The following JMJD1C variants were observed in gnomAD, a reference collection of about 807,000 sequenced individuals.
JMJD1C encodes jumonji domain-containing protein 1C.
A neutral mutation model predicts 245.3 loss-of-function variants in JMJD1C; 31 were observed. The ratio of observed to expected loss-of-function variants is 0.13; its 90% CI spans 0.09 to 0.17. The LOEUF (loss-of-function observed/expected upper bound fraction) is 0.17, where lower values mean the gene tolerates loss of function less well. Ranked by LOEUF, JMJD1C falls within the 10% of genes least tolerant of loss-of-function variation. The pLI is 1.00. For missense variants in JMJD1C, 2,691 were observed against 3,000.2 expected (o/e 0.90, Z 2.41); for synonymous variants, 1,057 against 1,017.4 (o/e 1.04, Z -0.74).
At chr10:63,379,537 T>G (rs1947043038) in intron 2 of JMJD1C, among the ~76,000 whole-genome samples, 1 of 152,194 alleles carries the variant, frequency 6.6e-6, no homozygotes, top group Non-Finnish European at 1.5e-5. Flanking sequence ...ATTTAATCCA[T>G]TACCTGAATA....
intron 4 of JMJD1C, among the ~76,000 whole-genome samples, chr10:63,217,543 A>G (rs1445169823): frequency 6.6e-6 from 1 of 152,160 alleles, no homozygotes; most frequent in Non-Finnish European, 1.5e-5. Flanking sequence ...CTGATTCAAT[A>G]GAAATAAAAT....
rs186102823 is a variant in JMJD1C, at chr10:63,518,351, T to C, written n.113+3387A>G. Among the ~76,000 whole-genome samples, 64 of 152,236 alleles carry C rather than the reference T, an allele frequency of 4.2e-4. 1 individual carries two copies. In the East Asian group the frequency reaches 0.011, roughly 26 times the overall value. The stretch of plus-strand genomic sequence containing the variant: ...TTACCACCCTGAAACAAAATAACAA[T>C]ATTCCTACAATTTCAAACAAATCCA... On this transcript the variant is annotated intron_variant and non_coding_transcript_variant, in intron 1 of 3. Transcript: ENST00000633035.
chr10:63,305,641 T>C (rs917243993), intron 2 of JMJD1C, among the ~76,000 whole-genome samples: 3 of 84,904 alleles, frequency 3.5e-5, no homozygotes, highest in Non-Finnish European at 6.8e-5. Flanking sequence ...TGTGTGTGTG[T>C]GTGTGTGTGT....
intron 1 of JMJD1C, among the ~76,000 whole-genome samples, chr10:63,389,814 A>G (rs1947912602): frequency 6.6e-6 from 1 of 152,316 alleles, no homozygotes; most frequent in African/African-American, 2.4e-5. Context: ...GAAAGAAACT[A>G]AGGATGAAAT....
intron 10 of JMJD1C, chr10:63,203,322 C>CA (rs1846234230): frequency 4.1e-6 from 4 of 983,548 alleles, no homozygotes; most frequent in Non-Finnish European, 3.6e-6. Flanking sequence ...ACTTAGTCAA[C>CA]AAAAAAATAC....
Position 63,207,567 on chromosome 10 carries a change from A to C in JMJD1C, c.4102T>G (p.Ser1368Ala). The change falls in exon 10 of 26, where the codon TCT becomes GCT. Residue 1368 changes from serine to alanine, a missense_variant. By Grantham distance (99) the Ser-to-Ala change is moderately conservative (BLOSUM62 1). Coordinates refer to ENST00000399262, the MANE Select transcript of JMJD1C (RefSeq NM_032776.3). ...GAGACAGCCTGAAAGTTTTTTTCAG[A>C]TTTTGTGTGAACACTGTCTGAATTC... ...NVNSDSVHTK[S>A]EKNFQAVSQG... 2 of 1,614,104 alleles carry C rather than the reference A, an allele frequency of 1.2e-6. No homozygotes were observed. Among genetic ancestry groups the C allele is most frequent in the Non-Finnish European group, 8.5e-7 (1 of 1,180,014 alleles).
chr10:63,208,294 G>C lies in JMJD1C; in HGVS notation c.3375C>G (p.Ala1125=), dbSNP rs753417322. 6.2e-7 allele frequency: 1 copy of C among 1,613,986 alleles called. No homozygotes were observed. Among genetic ancestry groups the C allele is most frequent in the African/African-American group, 1.3e-5 (1 of 74,994 alleles). The part of the protein sequence containing the change: ...SNIYGDKQSN[A]LAAAAANPQT... ...GAGGATTAGCTGCTGCCGCTGCAAG[G>C]GCATTACTCTGTTTATCACCGTAAA... Residue 1125 remains alanine (A), a synonymous_variant, in exon 10 of 26, where the codon GCC becomes GCG. Coordinates refer to ENST00000399262, the MANE Select transcript of JMJD1C (RefSeq NM_032776.3).
At chr10:63,441,645 A>G (rs1390625073) in intron 1 of JMJD1C, among the ~76,000 whole-genome samples, 1 of 152,038 alleles carries the variant, frequency 6.6e-6, no homozygotes, top group East Asian at 1.9e-4. Context: ...TTCCTTTTCC[A>G]AGCATCACCC....
chr10:63,357,006 A>G (rs967416776), intron 2 of JMJD1C, among the ~76,000 whole-genome samples: 2 of 151,824 alleles, frequency 1.3e-5, no homozygotes, highest in African/African-American at 4.8e-5. Flanking sequence ...TATGCCTTCA[A>G]AAATGAACTA....
chr10:63,464,375 T>C (rs1197690354), intron 1 of JMJD1C, among the ~76,000 whole-genome samples: 1 of 152,146 alleles, frequency 6.6e-6, no homozygotes, highest in African/African-American at 2.4e-5. Context: ...GTAAAAAATA[T>C]TAGGTAGATA....
chr10:63,262,289 ATTT>A (rs532874304), intron 3 of JMJD1C, among the ~76,000 whole-genome samples: 5 of 151,686 alleles, frequency 3.3e-5, no homozygotes, highest in African/African-American at 1.2e-4. Context: ...CGAACTCTAA[ATTT>A]TTTTTTCTTC....
intron 3 of JMJD1C, among the ~76,000 whole-genome samples, chr10:63,226,256 T>A (rs763193334): frequency 6.6e-6 from 1 of 152,172 alleles, no homozygotes; most frequent in African/African-American, 2.4e-5. Context: ...GGCAAACTCA[T>A]GCAATCTTAT....
intron 16 of JMJD1C, among the ~76,000 whole-genome samples, chr10:63,191,774 C>G (rs1844835632): frequency 6.6e-6 from 1 of 151,694 alleles, no homozygotes; most frequent in African/African-American, 2.4e-5. Flanking sequence ...CACTTGAGGT[C>G]AGGAGTTCAA....
intron 1 of JMJD1C, among the ~76,000 whole-genome samples, chr10:63,391,618 A>G (rs1226507360): frequency 6.6e-6 from 1 of 152,202 alleles, no homozygotes; most frequent in African/African-American, 2.4e-5. Flanking sequence ...AAAGATGCCT[A>G]CAATGAAAAC....
chr10:63,389,850 A>T (rs1947914786), intron 1 of JMJD1C, among the ~76,000 whole-genome samples: 1 of 152,150 alleles, frequency 6.6e-6, no homozygotes, highest in African/African-American at 2.4e-5. Context: ...AATAAATAAA[A>T]ATCAATTCAA....
At position 63,385,416 on chromosome 10, in the gene JMJD1C, C is replaced by CTTT. The variant is rs35450282; in HGVS notation, c.169-4937_169-4935dup. Among the ~76,000 whole-genome samples the CTTT allele has an allele frequency of 4.3e-3, 230 of 53,746 alleles. 14 individuals are homozygous for CTTT. Among genetic ancestry groups the CTTT allele is most frequent in the Admixed American group, 0.012 (33 of 2,676 alleles). 35.3% of individuals were successfully genotyped at this position (53,746 alleles called of 152,430 possible). On this transcript the variant is annotated intron_variant, in intron 1 of 25. Transcript: ENST00000399262. ...AATCCCATGCCTTCCCTGCCCCCGCCTTTTTTTTTTTTTTTTTTTTTTTTT... is the reference window on the plus strand; with the variant it reads ...AATCCCATGCCTTCCCTGCCCCCGCCTTTTTTTTTTTTTTTTTTTTTTTTTTTT...
chr10:63,270,398 A>G (rs976536491), intron 2 of JMJD1C, among the ~76,000 whole-genome samples: 4 of 151,278 alleles, frequency 2.6e-5, no homozygotes, highest in African/African-American at 9.7e-5. Context: ...AAAACTCCTG[A>G]CCTCAGGCTA....
intron 1 of JMJD1C, among the ~76,000 whole-genome samples, chr10:63,422,024 T>C (rs1259613304): frequency 6.6e-6 from 1 of 152,180 alleles, no homozygotes; most frequent in East Asian, 1.9e-4. Flanking sequence ...AGATTAAAAA[T>C]ACAAGGTGTT....
At chr10:63,213,431 A>G in intron 8 of JMJD1C, 42 bp downstream of exon 8, 4 of 1,126,134 alleles carry the variant, frequency 3.6e-6, no homozygotes, top group Non-Finnish European at 5.2e-6. Context: ...GTACATGTTC[A>G]TTAATATATA....
Sources: gnomAD v4.1 joint callset for allele counts (sites outside exome capture counted in the v4.1 genomes callset) on GRCh38, gnomAD v4.1.1 for gene constraint, MANE v1.5 for transcripts, NCBI Gene and HGNC (gene_info 2026-07-23, HGNC 2026-07-21) for gene names.